Variants in STT3A observed in about 807,000 individuals in gnomAD.
The protein encoded by STT3A is dolichyl-diphosphooligosaccharide--protein glycosyltransferase subunit STT3A.
A neutral mutation model predicts 89.2 loss-of-function variants in STT3A; 34 were observed. The observed-to-expected ratio is 0.38, with a 90% CI of 0.29 to 0.51. The LOEUF (loss-of-function observed/expected upper bound fraction) is 0.51, where lower values mean the gene tolerates loss of function less well. Ranked by LOEUF, STT3A falls within the 20% of genes least tolerant of loss-of-function variation. The pLI is 0.89. For synonymous variants in STT3A, 282 were observed against 310.3 expected (o/e 0.91, Z 0.96); for missense variants, 555 against 889.5 (o/e 0.62, Z 4.78).
chr11:125,612,131 C>T (rs892500704), intron 11 of STT3A, among the ~76,000 whole-genome samples: 1 of 152,026 alleles, frequency 6.6e-6, no homozygotes, highest in South Asian at 2.1e-4. Context: ...CCGCCTTGGC[C>T]TCCCAAAGTG....
chr11:125,618,561 A>AGTGAGTGACTC lies in STT3A; in HGVS notation c.1963+1_1963+11dup. ...CTTTGGACAGGTTTACACAGAAGCC[A>AGTGAGTGACTC]GTGAGTGACTCATAATAATATTAAT... On this transcript the variant is annotated stop_gained and frameshift_variant and splice_region_variant. Transcript: ENST00000392708. LOFTEE classifies it high-confidence loss of function. 1 of 1,610,188 alleles carries AGTGAGTGACTC rather than the reference A, an allele frequency of 6.2e-7. No homozygotes were observed. Among genetic ancestry groups the AGTGAGTGACTC allele is most frequent in the Non-Finnish European group, 8.5e-7 (1 of 1,178,908 alleles).
At position 125,613,813 on chromosome 11, in the gene STT3A, C is replaced by T; in HGVS notation, c.1555-274C>T. 1 of 372,148 alleles carries T rather than the reference C, an allele frequency of 2.7e-6. No individual in the cohort carries two copies. Among genetic ancestry groups the T allele is most frequent in the Non-Finnish European group, 5.0e-6 (1 of 200,482 alleles). 23.1% of individuals were successfully genotyped at this position (372,148 alleles called of 1,614,324 possible). ...TTGATGTGGCTACATTGCACAGTCT[C>T]CCACACCTCCCACCCCATTATGTTA... On this transcript the variant is annotated intron_variant, in intron 13 of 17. Coordinates refer to ENST00000392708, the MANE Select transcript of STT3A (RefSeq NM_152713.5). This position sits in a 1 kb window ranked among gnomAD's most constrained non-coding sequence, Gnocchi z 4.2.
At chr11:125,612,567 T>G in intron 11 of STT3A, 25 bp from the exon 12 acceptor site, 1 of 1,608,334 alleles carries the variant, frequency 6.2e-7, no homozygotes. Context: ...CTGATTAGAC[T>G]GATCATGCTT....
At chr11:125,592,622 G>T (rs1414167169), upstream of STT3A, 8 of 392,808 alleles carry the variant, frequency 2.0e-5, no homozygotes, top group African/African-American at 1.5e-4. Context: ...TTCTTTCCGC[G>T]CTCTTGACTC....
chr11:125,615,506 C>A (rs888663218), intron 15 of STT3A, among the ~76,000 whole-genome samples: 1 of 151,910 alleles, frequency 6.6e-6, no homozygotes, highest in African/African-American at 2.4e-5. Flanking sequence ...AATCATAATA[C>A]AACAATAAAA....
At chr11:125,593,298 G>C (rs1939374581) in intron 1 of STT3A, 1 of 152,342 alleles carries the variant, frequency 6.6e-6, no homozygotes, top group South Asian at 2.1e-4. Flanking sequence ...GAAGGGAGAA[G>C]AGAGTAAAAG....
intron 8 of STT3A, among the ~76,000 whole-genome samples, chr11:125,607,231 G>C (rs1939866866): frequency 6.6e-6 from 1 of 152,182 alleles, no homozygotes; most frequent in South Asian, 2.1e-4. Flanking sequence ...TAAATGTTCT[G>C]AGCATGTTTA....
At chr11:125,602,770 A>G (rs201361405) in intron 4 of STT3A, 33 bp from the exon 5 acceptor site, 9 of 1,612,910 alleles carry the variant, frequency 5.6e-6, no homozygotes, top group East Asian at 2.2e-5. Flanking sequence ...TTCTGGTAAG[A>G]CAACCTAATG....
chr11:125,592,585 G>A (rs765306665), upstream of STT3A: 6 of 433,958 alleles, frequency 1.4e-5, no homozygotes, highest in Non-Finnish European at 2.3e-5. Context: ...TCACTCCTCG[G>A]CCCTCAACCA....
chr11:125,597,726 G>GA (rs955349450), intron 3 of STT3A, among the ~76,000 whole-genome samples: 1 of 152,132 alleles, frequency 6.6e-6, no homozygotes, highest in African/African-American at 2.4e-5. Flanking sequence ...CTAGGGCAAT[G>GA]AAAAAACTCA....
At chr11:125,612,822 G>C in intron 12 of STT3A, 75 bp downstream of exon 12, 1 of 1,562,312 alleles carries the variant, frequency 6.4e-7, no homozygotes, top group Non-Finnish European at 8.7e-7. Context: ...GGCAGCGGGG[G>C]GTGGGAGGAG....
intron 16 of STT3A, 147 bp from the exon 17 acceptor site, chr11:125,619,864 C>T: frequency 3.1e-6 from 2 of 635,812 alleles, no homozygotes; most frequent in Non-Finnish European, 5.5e-6. Flanking sequence ...CTTACTACCT[C>T]ATGCCCTTTT....
Position 125,618,569 on chromosome 11 carries a change from A to T in STT3A, c.1963+8A>T. The stretch of plus-strand genomic sequence containing the variant: ...AGGTTTACACAGAAGCCAGTGAGTG[A>T]CTCATAATAATATTAATAACAGTAG... On this transcript the variant is annotated splice_region_variant and intron_variant, in intron 16 of 17. Coordinates refer to ENST00000392708, the MANE Select transcript of STT3A (RefSeq NM_152713.5). 6.2e-7 allele frequency: 1 copy of T among 1,607,270 alleles called. No homozygotes were observed. Among genetic ancestry groups the T allele is most frequent in the Non-Finnish European group, 8.5e-7 (1 of 1,177,932 alleles).
At chr11:125,619,328 G>A (rs568473445) in intron 16 of STT3A, among the ~76,000 whole-genome samples, 1 of 151,986 alleles carries the variant, frequency 6.6e-6, no homozygotes, top group South Asian at 2.1e-4. Context: ...CCAAAGTGCT[G>A]GGATTACAGG....
At chr11:125,619,737 C>A (rs1223346352) in intron 16 of STT3A, among the ~76,000 whole-genome samples, 1 of 152,110 alleles carries the variant, frequency 6.6e-6, no homozygotes, top group African/African-American at 2.4e-5. Flanking sequence ...AATGACAATC[C>A]TCAGGAATAG....
At chr11:125,602,106 A>C (rs1939701847) in intron 3 of STT3A, among the ~76,000 whole-genome samples, 197 bp from the exon 4 acceptor site, 1 of 152,140 alleles carries the variant, frequency 6.6e-6, no homozygotes, top group Admixed American at 6.6e-5. Context: ...TCATTTCCTT[A>C]TGAGAAAAGC....
chr11:125,594,058 A>G (rs986173642), intron 1 of STT3A, among the ~76,000 whole-genome samples: 4 of 152,198 alleles, frequency 2.6e-5, no homozygotes, highest in Admixed American at 2.6e-4. Flanking sequence ...AGATAGCTAG[A>G]AGAGTGGATT....
At position 125,612,676 on chromosome 11, in the gene STT3A, A is replaced by C. The variant is rs1940061222; in HGVS notation, c.1294A>C (p.Asn432His). 1 of 1,614,066 alleles carries C rather than the reference A, an allele frequency of 6.2e-7. No individual in the cohort carries two copies. Among genetic ancestry groups the C allele is most frequent in the African/African-American group, 1.3e-5 (1 of 74,914 alleles). The change falls in exon 12 of 18, where the codon AAT becomes CAT. Residue 432 changes from asparagine (N) to histidine (H), a missense_variant. By Grantham distance (68) the Asn-to-His change is moderately conservative. Around this residue, in one of 5 missense-constraint regions of STT3A, gnomAD observed 273 missense variants for 449.8 expected, o/e 0.61. Transcript: ENST00000392708. ...CCAGGTGCTGTCCACATACATGAAG[A>C]ATCTGGACATAAGTCGTCCAGACAA... The part of the protein sequence containing the change: ...VSQVLSTYMK[N>H]LDISRPDKKS...
At position 125,620,725 on chromosome 11, in the gene STT3A, A is replaced by G. The variant is rs748212621; in HGVS notation, c.2080-47A>G. The G allele has an allele frequency of 1.9e-6, 3 of 1,598,630 alleles. No homozygotes were observed. The Admixed American group carries it at 5.0e-5, about 27-fold the overall frequency. On this transcript the variant is annotated intron_variant, in intron 17 of 17. Transcript: ENST00000392708. ...ATCCATTTTAGTAGAAAATTTCTCC[A>G]AAGTTGATCTGATTGTAAATATTAA... is the stretch of plus-strand genomic sequence containing the variant.
Sources: allele counts gnomAD v4.1 joint callset (sites outside exome capture counted in the v4.1 genomes callset), GRCh38; gene constraint gnomAD v4.1.1; regional missense constraint gnomAD v4.1.1; non-coding constraint Gnocchi (gnomAD v3.1); transcripts MANE v1.5; gene names NCBI Gene and HGNC (gene_info 2026-07-23, HGNC 2026-07-21).